NUP43: variants seen among roughly 807,000 people sequenced by gnomAD.
The protein encoded by NUP43 is nucleoporin Nup43.
A neutral mutation model predicts 47.3 loss-of-function variants in NUP43; 32 were observed. The observed-to-expected ratio is 0.68, with a 90% CI of 0.51 to 0.91. The LOEUF is 0.91. NUP43 is among the 40% of genes least tolerant of loss of function. NUP43 has a pLI of 0.00. For synonymous variants in NUP43, 147 were observed against 158.4 expected, an observed-to-expected ratio of 0.93 and a Z score of 0.54; for missense variants, 444 against 453.9, an observed-to-expected ratio of 0.98 and a Z score of 0.20.
chr6:149,741,696 G>A (rs1356416300), intron 4 of NUP43, among the ~76,000 whole-genome samples: 3 of 151,634 alleles, frequency 2.0e-5, no homozygotes, highest in African/African-American at 4.8e-5. Flanking sequence ...CAGTAGAGAC[G>A]GATTTTCACC....
Position 149,746,479 on chromosome 6 carries a change from G to C in NUP43, c.17C>G (p.Ala6Gly). Residue 6 changes from alanine (A) to glycine (G), a missense_variant, in exon 1 of 8, where the codon GCG (alanine) becomes GGG (glycine). Physicochemically the swap from Ala to Gly is moderately conservative, Grantham distance 60. Coordinates refer to ENST00000340413, the MANE Select transcript of NUP43 (RefSeq NM_198887.3). The stretch of plus-strand genomic sequence containing the variant: ...GCTGATTTTCTGGGACACAAACTTC[G>C]CATAAATTTCCTCCATGCCGAAAGC... MEEIY[A>G]KFVSQKISKT... The C allele has an allele frequency of 1.9e-6, 3 of 1,614,158 alleles. No homozygotes were observed. The highest frequency in any genetic ancestry group is 2.5e-6 in the Non-Finnish European group (3 of 1,180,028).
chr6:149,734,617 G>A (rs1232558479), intron 6 of NUP43, among the ~76,000 whole-genome samples: 1 of 151,886 alleles, frequency 6.6e-6, no homozygotes, highest in Non-Finnish European at 1.5e-5. Flanking sequence ...GGCCAACATG[G>A]TGAAACCCCA....
At chr6:149,735,610 A>AAAC (rs1785289306) in intron 6 of NUP43, among the ~76,000 whole-genome samples, 2 of 150,362 alleles carry the variant, frequency 1.3e-5, no homozygotes, top group East Asian at 1.9e-4. Context: ...AAAAAAAAAA[A>AAAC]AAAAAAAAAA....
intron 5 of NUP43, among the ~76,000 whole-genome samples, chr6:149,737,897 G>C (rs936783591): frequency 2.0e-5 from 3 of 152,040 alleles, no homozygotes; most frequent in African/African-American, 7.2e-5. Flanking sequence ...CACTGTGTTG[G>C]CCAGGCTGGT....
At chr6:149,733,927 T>C (rs978139513) in intron 6 of NUP43, among the ~76,000 whole-genome samples, 4 of 151,964 alleles carry the variant, frequency 2.6e-5, no homozygotes, top group Non-Finnish European at 5.9e-5. Context: ...CAGGTTCAAG[T>C]GACTGTCCTG....
At chr6:149,735,657 A>G (rs1785296265) in intron 6 of NUP43, among the ~76,000 whole-genome samples, 1 of 150,568 alleles carries the variant, frequency 6.6e-6, no homozygotes, top group South Asian at 2.1e-4. Flanking sequence ...TTCTAACTAC[A>G]GTTTTGGATA....
At chr6:149,748,120 C>T (rs181431991), upstream of NUP43, among the ~76,000 whole-genome samples, 111 of 152,208 alleles carry the variant, frequency 7.3e-4, no homozygotes, top group African/African-American at 2.7e-3. Context: ...TCAAGACCAG[C>T]CTGGTCAACA....
chr6:149,741,562 G>A (rs554862500), intron 4 of NUP43, among the ~76,000 whole-genome samples: 6 of 152,006 alleles, frequency 3.9e-5, no homozygotes, highest in African/African-American at 1.2e-4. Flanking sequence ...CTAGCGTGCA[G>A]TGGTGTAATC....
rs1784772249 is a variant in NUP43, at chr6:149,725,842, T to C, written c.*1127A>G. ...AGGATAAAGATGGTTGGTAACACTA[T>C]AGGTGGCTAAAACAAAGTAAAAGGA... On this transcript the variant is annotated 3_prime_UTR_variant, in exon 8 of 8. Transcript: ENST00000340413. 6.6e-6 allele frequency: 1 copy of C among 152,186 alleles called. No homozygotes were observed. The highest frequency in any genetic ancestry group is 2.4e-5 in the African/African-American group (1 of 41,450). The allele number at this position is 152,186 out of a possible 1,614,324, so 9.4% of individuals were successfully genotyped here.
At chr6:149,728,343 G>C in intron 7 of NUP43, 1 of 985,060 alleles carries the variant, frequency 1.0e-6, no homozygotes. Flanking sequence ...AGACTGTGCG[G>C]TTAGGGGAGG....
At position 149,726,915 on chromosome 6, in the gene NUP43, G is replaced by T; in HGVS notation, c.*54C>A. 1 of 1,424,552 alleles carries T rather than the reference G, an allele frequency of 7.0e-7. No homozygotes were observed. The highest frequency in any genetic ancestry group is 9.8e-7 in the Non-Finnish European group (1 of 1,021,826). 88.2% of individuals were successfully genotyped at this position (1,424,552 alleles called of 1,614,324 possible). A position where few individuals can be genotyped will look rare whatever the true frequency, so the allele number is the denominator to read the frequency against. ...ATACTAAAATTTTGCACAGAAGTTG[G>T]ATTTCAAAAGGCTAATTGCATGTTC... On this transcript the variant is annotated 3_prime_UTR_variant, in exon 8 of 8. Coordinates refer to ENST00000340413, the MANE Select transcript of NUP43 (RefSeq NM_198887.3).
intron 1 of NUP43, 109 bp from the exon 2 acceptor site, chr6:149,746,171 G>C (rs938718697): frequency 3.6e-6 from 5 of 1,392,590 alleles, no homozygotes; most frequent in Non-Finnish European, 4.9e-6. Context: ...AAATGGTATG[G>C]TGAGTTTAAA....
rs775879262 is a variant in NUP43, at chr6:149,746,487, T to C, written c.9A>G (p.Glu3=). Residue 3 remains glutamate, a synonymous_variant, in exon 1 of 8, where the codon GAA becomes GAG. Transcript: ENST00000340413. ME[E]IYAKFVSQKI... Reference sequence around the variant, plus strand: ...TCTGGGACACAAACTTCGCATAAATTTCCTCCATGCCGAAAGCGGCCGCAG... The same window carrying C: ...TCTGGGACACAAACTTCGCATAAATCTCCTCCATGCCGAAAGCGGCCGCAG... 6.8e-6 allele frequency: 11 copies of C among 1,614,002 alleles called. No individual in the cohort carries two copies. The highest frequency in any genetic ancestry group is 6.7e-5 in the East Asian group (3 of 44,890).
At position 149,744,094 on chromosome 6, in the gene NUP43, C is replaced by T. The variant is rs375822684; in HGVS notation, c.244-379G>A. Among the ~76,000 whole-genome samples, 18 of 151,724 alleles carry T rather than the reference C, an allele frequency of 1.2e-4. 1 individual carries two copies. The East Asian group carries it at 1.4e-3, about 11-fold the overall frequency. On this transcript the variant is annotated intron_variant, in intron 2 of 7. Coordinates refer to ENST00000340413, the MANE Select transcript of NUP43 (RefSeq NM_198887.3). ...TTCAAGACCAGCCTGCGCAAGATGG[C>T]GAGGCCTCGTCTCTACAAAAATACA...
Position 149,726,976 on chromosome 6 carries a change from A to G in NUP43, c.1136T>C (p.Phe379Ser). Residue 379 changes from phenylalanine to serine, a missense_variant, in exon 8 of 8, where the codon TTT becomes TCT. Physicochemically the swap from Phe to Ser is radical, Grantham distance 155. Transcript: ENST00000340413. ...CTTATAATTATAGTACTTCTACGAA[A>G]AAAGATGTCTAGTAACATAAATTGC... ...AEAIYVTRHL[F>S]S 1.9e-6 allele frequency: 3 copies of G among 1,612,248 alleles called. No individual in the cohort carries two copies. Among genetic ancestry groups the G allele is most frequent in the East Asian group, 2.2e-5 (1 of 44,874 alleles).
chr6:149,739,856 C>T (rs1562381248), intron 4 of NUP43, among the ~76,000 whole-genome samples: 1 of 152,164 alleles, frequency 6.6e-6, no homozygotes, highest in Non-Finnish European at 1.5e-5. Context: ...GAAGTCACTC[C>T]TTATTGTCAT....
intron 7 of NUP43, among the ~76,000 whole-genome samples, chr6:149,730,424 C>T (rs1388969183): frequency 1.3e-5 from 2 of 152,190 alleles, no homozygotes; most frequent in African/African-American, 4.8e-5. Flanking sequence ...TATGCTATGG[C>T]ATGAGGGTCC....
intron 6 of NUP43, among the ~76,000 whole-genome samples, chr6:149,734,405 T>C (rs1287164702): frequency 6.6e-6 from 1 of 151,120 alleles, no homozygotes; most frequent in Non-Finnish European, 1.5e-5. Flanking sequence ...GAGGCTGAGG[T>C]GGGAGGACTG....
chr6:149,738,670 C>T lies in NUP43; in HGVS notation c.611G>A (p.Gly204Glu), dbSNP rs1182506128. 2 of 1,584,564 alleles carry T rather than the reference C, an allele frequency of 1.3e-6. No homozygotes were observed. Residue 204 changes from glycine (G) to glutamate (E), a missense_variant, in exon 5 of 8, where the codon GGA becomes GAA. Transcript: ENST00000340413. The part of the protein sequence containing the change: ...QLKIWDFRQQ[G>E]NEPSQILSLT... ...TGACAATATCTGAGAAGGCTCATTT[C>T]CTTGTTGTCTGAAATCCCATATTTT... is the stretch of plus-strand genomic sequence containing the variant.
Sources: gnomAD v4.1 joint callset for allele counts (sites outside exome capture counted in the v4.1 genomes callset) on GRCh38, gnomAD v4.1.1 for gene constraint, MANE v1.5 for transcripts, NCBI Gene and HGNC (gene_info 2026-07-23, HGNC 2026-07-21) for gene names.